Variants in SORCS1 observed in about 807,000 individuals in gnomAD.
SORCS1 encodes VPS10 domain-containing receptor SorCS1.
Under a neutral mutation model 146.1 loss-of-function variants are expected in SORCS1, and 60 were observed. The ratio of observed to expected loss-of-function variants is 0.41; its 90% CI spans 0.33 to 0.51. The LOEUF is 0.51. Ranked by LOEUF, SORCS1 falls within the 20% of genes least tolerant of loss-of-function variation. SORCS1 has a pLI of 0.21. For synonymous variants in SORCS1, 637 were observed against 584.0 expected (o/e 1.09, Z -1.31); for missense variants, 1,352 against 1,487.6 (o/e 0.91, Z 1.50).
intron 3 of SORCS1, among the ~76,000 whole-genome samples, chr10:106,825,926 A>T (rs1230037991): frequency 6.6e-6 from 1 of 152,194 alleles, no homozygotes; most frequent in Non-Finnish European, 1.5e-5. Flanking sequence ...CTTAGTCAAG[A>T]TTTCTTACAC....
intron 1 of SORCS1, among the ~76,000 whole-genome samples, chr10:107,045,506 G>A (rs750549776): frequency 2.0e-5 from 3 of 152,112 alleles, no homozygotes; most frequent in Non-Finnish European, 4.4e-5. Context: ...GAGTGTTACA[G>A]GGCATGGACA....
intron 6 of SORCS1, among the ~76,000 whole-genome samples, chr10:106,714,488 G>A (rs1187572589): frequency 6.6e-6 from 1 of 152,082 alleles, no homozygotes; most frequent in African/African-American, 2.4e-5. Flanking sequence ...AACATTAGAG[G>A]AAGCTGGGTA....
intron 1 of SORCS1, among the ~76,000 whole-genome samples, chr10:106,984,925 T>C (rs543691050): frequency 6.6e-6 from 1 of 152,056 alleles, no homozygotes; most frequent in Non-Finnish European, 1.5e-5. Context: ...CCGTGGCTCA[T>C]GCCTGTAATC....
intron 5 of SORCS1, among the ~76,000 whole-genome samples, chr10:106,734,804 T>C (rs1025590242): frequency 6.6e-6 from 1 of 152,180 alleles, no homozygotes; most frequent in East Asian, 1.9e-4. Context: ...TTCTTCTCTT[T>C]TTCCCCCTTT....
chr10:107,127,442 G>A (rs763164705), intron 1 of SORCS1, among the ~76,000 whole-genome samples: 1 of 152,006 alleles, frequency 6.6e-6, no homozygotes. Flanking sequence ...TATGTCATTG[G>A]CATGTCTTTC....
chr10:106,740,587 G>A (rs781720014), intron 5 of SORCS1, among the ~76,000 whole-genome samples: 3 of 151,968 alleles, frequency 2.0e-5, no homozygotes, highest in Non-Finnish European at 2.9e-5. Context: ...GCTGTGTGAG[G>A]AAAAATATAT....
intron 15 of SORCS1, among the ~76,000 whole-genome samples, chr10:106,672,018 G>T (rs1178934897): frequency 6.6e-6 from 1 of 152,152 alleles, no homozygotes; most frequent in Non-Finnish European, 1.5e-5. Flanking sequence ...TCCAGCTAAC[G>T]CAGGGCCCAC....
intron 1 of SORCS1, among the ~76,000 whole-genome samples, chr10:106,990,795 T>C (rs746166325): frequency 3.3e-5 from 5 of 152,190 alleles, no homozygotes; most frequent in Non-Finnish European, 4.4e-5. Flanking sequence ...AGTACACTGT[T>C]AAAATTAAAC....
At chr10:106,665,559 C>A (rs116298509) in intron 17 of SORCS1, among the ~76,000 whole-genome samples, 2,819 of 152,064 alleles carry the variant, frequency 0.019, 94 homozygotes, top group African/African-American at 0.064. Context: ...TTCAAATATG[C>A]ATGAAGAAAA....
intron 2 of SORCS1, among the ~76,000 whole-genome samples, chr10:106,834,816 G>C (rs1446288842): frequency 1.3e-5 from 2 of 152,098 alleles, no homozygotes; most frequent in African/African-American, 4.8e-5. Flanking sequence ...TTTATTTTCA[G>C]GCTTTGTTTA....
intron 2 of SORCS1, among the ~76,000 whole-genome samples, chr10:106,864,739 G>C (rs1346253431): frequency 1.3e-5 from 2 of 152,178 alleles, no homozygotes; most frequent in Non-Finnish European, 2.9e-5. Flanking sequence ...GTTGGGGGGT[G>C]GGGTAGGGGT....
rs1015288421 is a variant in SORCS1 at position 106,576,479 on chromosome 10, G to A, written c.*941C>T. 1.3e-5 allele frequency: 2 copies of A among 152,276 alleles called. No homozygotes were observed. The highest frequency in any genetic ancestry group is 4.8e-5 in the African/African-American group (2 of 41,468). 9.4% of individuals were successfully genotyped at this position (152,276 alleles called of 1,614,324 possible). On this transcript the variant is annotated 3_prime_UTR_variant, in exon 26 of 26. Coordinates refer to ENST00000263054, the MANE Select transcript of SORCS1 (RefSeq NM_052918.5). ...AACAAATGTGAAGACAGGACAATGG[G>A]TAACTAATGGGATTCCATTTCCTAC...
intron 1 of SORCS1, among the ~76,000 whole-genome samples, chr10:107,143,146 A>G (rs1967986895): frequency 6.6e-6 from 1 of 152,180 alleles, no homozygotes; most frequent in Non-Finnish European, 1.5e-5. Flanking sequence ...CACTCACACA[A>G]TGCCCTGAAA....
At chr10:106,672,813 C>G in intron 15 of SORCS1, 55 bp downstream of exon 15, 1 of 1,478,804 alleles carries the variant, frequency 6.8e-7, no homozygotes, top group African/African-American at 1.4e-5. Context: ...TAGCTTTCCC[C>G]CAACACCACT....
chr10:106,581,707 C>G (rs1420786474), intron 24 of SORCS1, among the ~76,000 whole-genome samples: 1 of 152,144 alleles, frequency 6.6e-6, no homozygotes, highest in East Asian at 1.9e-4. Flanking sequence ...AACCTCCAAC[C>G]ACTGGATTAT....
intron 3 of SORCS1, among the ~76,000 whole-genome samples, chr10:106,811,270 C>A (rs577689330): frequency 3.4e-4 from 52 of 152,272 alleles, no homozygotes; most frequent in African/African-American, 1.2e-3. Flanking sequence ...TAGAGGACTG[C>A]TGGTTTCAAA....
intron 16 of SORCS1, among the ~76,000 whole-genome samples, chr10:106,669,242 A>AAAC (rs35656422): frequency 0.19 from 28,083 of 151,414 alleles, 3,096 homozygotes; most frequent in East Asian, 0.31. Flanking sequence ...TGAAAAAGAA[A>AAAC]AACAACAACA....
At chr10:106,719,779 T>C (rs1554908792) in intron 6 of SORCS1, among the ~76,000 whole-genome samples, 1 of 152,188 alleles carries the variant, frequency 6.6e-6, no homozygotes, top group Non-Finnish European at 1.5e-5. Context: ...ACATAAGAGA[T>C]GCTCAACAAA....
At chr10:106,726,804 C>T (rs377129249) in intron 6 of SORCS1, among the ~76,000 whole-genome samples, 5 of 152,120 alleles carry the variant, frequency 3.3e-5, no homozygotes, top group Admixed American at 6.6e-5. Flanking sequence ...TGCAGACTCT[C>T]GGCCGGGTGC....
Sources: gnomAD v4.1 joint callset for allele counts (sites outside exome capture counted in the v4.1 genomes callset) on GRCh38, gnomAD v4.1.1 for gene constraint, MANE v1.5 for transcripts, NCBI Gene and HGNC (gene_info 2026-07-23, HGNC 2026-07-21) for gene names.